RHBDD1: variants seen among roughly 807,000 people sequenced by gnomAD.
The protein encoded by RHBDD1 is rhomboid-related protein 4.
RHBDD1 carries 38 observed loss-of-function variants against 36.3 expected under a neutral mutation model. The ratio of observed to expected loss-of-function variants is 1.05; its 90% confidence interval spans 0.81 to 1.37. The LOEUF (loss-of-function observed/expected upper bound fraction) is 1.37, where lower values mean the gene tolerates loss of function less well. RHBDD1 is among the 40% of genes most tolerant of loss of function. The pLI, the probability that RHBDD1 is intolerant of heterozygous loss-of-function variation, is 0.00. For synonymous variants in RHBDD1, 151 were observed against 136.5 expected (o/e 1.11, Z -0.74); for missense variants, 393 against 377.6 (o/e 1.04, Z -0.34).
intron 3 of RHBDD1, among the ~76,000 whole-genome samples, chr2:226,840,828 G>A (rs1941531776): frequency 6.6e-6 from 1 of 151,772 alleles, no homozygotes; most frequent in Non-Finnish European, 1.5e-5. Flanking sequence ...ATAATATATA[G>A]GGGTGTGTGT....
chr2:226,885,498 G>C (rs1350811280), intron 5 of RHBDD1, among the ~76,000 whole-genome samples: 1 of 152,116 alleles, frequency 6.6e-6, no homozygotes. Flanking sequence ...GGTATTGTCA[G>C]AGATTATATT....
intron 3 of RHBDD1, among the ~76,000 whole-genome samples, chr2:226,861,199 G>T (rs1324380257): frequency 2.6e-5 from 4 of 152,140 alleles, no homozygotes; most frequent in Admixed American, 2.6e-4. Context: ...CTGATAAAAA[G>T]AATTACAAAA....
At chr2:226,940,115 C>T (rs1255157198) in intron 8 of RHBDD1, among the ~76,000 whole-genome samples, 2 of 152,126 alleles carry the variant, frequency 1.3e-5, no homozygotes, top group Non-Finnish European at 1.5e-5. Flanking sequence ...AAAATCAGCT[C>T]AAGATGGATC....
the RHBDD1 span, among the ~76,000 whole-genome samples, chr2:226,826,298 AAC>A: frequency 6.6e-6 from 1 of 152,196 alleles, no homozygotes; most frequent in Admixed American, 6.5e-5. Flanking sequence ...CTTGCAGTGT[AAC>A]ACAAATTATT....
chr2:226,955,302 G>T (rs1202213179), intron 8 of RHBDD1, among the ~76,000 whole-genome samples: 1 of 152,192 alleles, frequency 6.6e-6, no homozygotes, highest in Non-Finnish European at 1.5e-5. Flanking sequence ...ACCACGTAAG[G>T]TAGCAAGTCA....
chr2:226,906,979 C>A, intron 6 of RHBDD1, 98 bp downstream of exon 6: 1 of 1,238,866 alleles, frequency 8.1e-7, no homozygotes, highest in South Asian at 1.2e-5. Flanking sequence ...TGGTTCAGCT[C>A]AAGAATTCCC....
chr2:226,959,355 A>G (rs979772615), intron 8 of RHBDD1, among the ~76,000 whole-genome samples: 22 of 152,374 alleles, frequency 1.4e-4, no homozygotes, highest in Middle Eastern at 3.4e-3. Flanking sequence ...CATAATCAAG[A>G]TAATTAACAT....
chr2:226,982,784 A>T (rs1956070340), intron 8 of RHBDD1, among the ~76,000 whole-genome samples: 1 of 152,180 alleles, frequency 6.6e-6, no homozygotes, highest in Non-Finnish European at 1.5e-5. Flanking sequence ...AGCATTTATG[A>T]TGCACCCACT....
chr2:226,812,550 T>C, the RHBDD1 span, among the ~76,000 whole-genome samples: 1 of 152,248 alleles, frequency 6.6e-6, no homozygotes, highest in Non-Finnish European at 1.5e-5. Context: ...CCGTGGAAGA[T>C]AATTTAGTAG....
intron 8 of RHBDD1, among the ~76,000 whole-genome samples, chr2:226,924,487 G>C (rs544520110): frequency 1.3e-5 from 2 of 152,306 alleles, no homozygotes; most frequent in South Asian, 4.1e-4. Context: ...TTGGGAGAGG[G>C]GTAACACAAG....
intron 8 of RHBDD1, among the ~76,000 whole-genome samples, chr2:226,967,769 G>A (rs566552846): frequency 5.3e-5 from 8 of 152,220 alleles, no homozygotes; most frequent in Middle Eastern, 6.8e-3. Flanking sequence ...ATTTGCAAAT[G>A]TGTGTGTGAG....
chr2:226,922,694 C>A (rs1459229020), intron 8 of RHBDD1, among the ~76,000 whole-genome samples: 1 of 152,102 alleles, frequency 6.6e-6, no homozygotes, highest in Non-Finnish European at 1.5e-5. Context: ...TCCCTTTCCT[C>A]TTCCCTTCCT....
chr2:226,875,878 A>G (rs927802792), intron 5 of RHBDD1, among the ~76,000 whole-genome samples: 3 of 152,244 alleles, frequency 2.0e-5, no homozygotes, highest in Non-Finnish European at 2.9e-5. Context: ...ACTTCAGCTC[A>G]TGTGGTGTTC....
At chr2:226,988,340 G>C in intron 8 of RHBDD1, 1 of 1,549,774 alleles carries the variant, frequency 6.5e-7, no homozygotes, top group Non-Finnish European at 8.7e-7. Flanking sequence ...AGGAAAACCA[G>C]GTCATAAAGA....
intron 8 of RHBDD1, among the ~76,000 whole-genome samples, chr2:226,920,724 A>G (rs1348775859): frequency 2.6e-5 from 4 of 152,160 alleles, no homozygotes; most frequent in Non-Finnish European, 5.9e-5. Context: ...TCACTGGGAT[A>G]AATCCCAAAT....
At chr2:226,938,686 C>T (rs997964628) in intron 8 of RHBDD1, among the ~76,000 whole-genome samples, 5 of 151,618 alleles carry the variant, frequency 3.3e-5, no homozygotes, top group African/African-American at 1.2e-4. Flanking sequence ...TGAATTCTAT[C>T]AGAGATACAA....
At chr2:226,917,448 A>AT (rs1484218960) in intron 8 of RHBDD1, among the ~76,000 whole-genome samples, 1 of 152,158 alleles carries the variant, frequency 6.6e-6, no homozygotes, top group Non-Finnish European at 1.5e-5. Context: ...ATCAGATGCT[A>AT]TAAGACTCGC....
intron 5 of RHBDD1, among the ~76,000 whole-genome samples, chr2:226,892,735 A>T (rs1946788379): frequency 6.6e-6 from 1 of 152,176 alleles, no homozygotes. Flanking sequence ...TGGCAACTGA[A>T]ATCTCACCAT....
At chr2:226,881,633 TC>T (rs11342715) in intron 5 of RHBDD1, among the ~76,000 whole-genome samples, 28,175 of 152,154 alleles carry the variant, frequency 0.19, 4,316 homozygotes, top group African/African-American at 0.42. Context: ...GGAACTATTT[TC>T]ATGTGTCTTT....
Sources: gnomAD v4.1 joint callset for allele counts (sites outside exome capture counted in the v4.1 genomes callset) on GRCh38, gnomAD v4.1.1 for gene constraint, MANE v1.5 for transcripts, NCBI Gene and HGNC (gene_info 2026-07-23, HGNC 2026-07-21) for gene names.